PCDH11X: variants seen among roughly 807,000 people sequenced by gnomAD.
PCDH11X encodes protocadherin-11 X-linked.
PCDH11X carries 18 observed loss-of-function variants against 53.3 expected under a neutral mutation model. The observed-to-expected ratio is 0.34, with a 90% CI of 0.23 to 0.50. The LOEUF (loss-of-function observed/expected upper bound fraction) is 0.50, where lower values mean the gene tolerates loss of function less well. PCDH11X is among the 20% of genes least tolerant of loss of function. PCDH11X has a pLI of 0.98. For synonymous variants in PCDH11X, 279 were observed against 393.3 expected, an observed-to-expected ratio of 0.71 and a Z score of 3.44; for missense variants, 570 against 1,032.4, an observed-to-expected ratio of 0.55 and a Z score of 6.14.
intron 6 of PCDH11X, among the ~76,000 whole-genome samples, chrX:92,147,972 CCTTCCTTCCTTCCTTT>C (rs1189537357): frequency 2.5e-5 from 2 of 79,964 alleles, no homozygotes; most frequent in African/African-American, 1.3e-4. Context: ...TCCCTTCCTT[CCTTCCTTCCTTCCTTT>C]CTTTCTTTCT....
At chrX:91,850,987 A>G (rs2147659147) in intron 5 of PCDH11X, among the ~76,000 whole-genome samples, 1 of 110,844 alleles carries the variant, frequency 9.0e-6, no homozygotes, top group East Asian at 2.8e-4. Context: ...AATAAGGGAG[A>G]TGCAATGTTA....
At chrX:92,201,236 A>G in intron 6 of PCDH11X, 139 bp from the exon 7 acceptor site, 2 of 828,113 alleles carry the variant, frequency 2.4e-6, no homozygotes, top group Non-Finnish European at 3.3e-6. Flanking sequence ...TGTTACATAA[A>G]TAAACTATGA....
chrX:91,842,150 G>C (rs1336332557), intron 5 of PCDH11X, among the ~76,000 whole-genome samples: 1 of 106,985 alleles, frequency 9.3e-6, no homozygotes, highest in Non-Finnish European at 1.9e-5. Flanking sequence ...GTATTTATCA[G>C]TGTACAGTCA....
chrX:91,879,655 A>G (rs1020288697), intron 6 of PCDH11X: 3 of 849,854 alleles, frequency 3.5e-6, no homozygotes, highest in Non-Finnish European at 4.3e-6. Flanking sequence ...GCTTTTCAGA[A>G]TCTGATAAAT....
rs376700432 is a variant in PCDH11X, at chrX:91,835,984, C to A, written c.480C>A (p.Leu160=). The change falls in exon 5 of 11, where the codon CTC becomes CTA. Residue 160 remains leucine, a synonymous_variant. Transcript: ENST00000682573. ...ENSAINSKYT[L]PAAVDPDVGI... ...CGGCTATAAACTCTAAATATACTCT[C>A]CCAGCGGCTGTTGATCCTGACGTAG... The A allele has an allele frequency of 1.7e-5, 21 of 1,208,546 alleles. No individual in the cohort carries two copies. The highest frequency in any genetic ancestry group is 2.0e-5 in the Non-Finnish European group (18 of 894,947).
chrX:92,095,703 G>A (rs2064123582), intron 6 of PCDH11X, among the ~76,000 whole-genome samples: 1 of 111,702 alleles, frequency 9.0e-6, no homozygotes, highest in East Asian at 2.8e-4. Context: ...AAAAATATAC[G>A]CCATTTAAAC....
chrX:92,147,879 T>G (rs759976022), intron 6 of PCDH11X, among the ~76,000 whole-genome samples: 1 of 98,041 alleles, frequency 1.0e-5, no homozygotes, highest in African/African-American at 3.6e-5. Flanking sequence ...TTCCTTTCTT[T>G]CTTTTTCTTT....
At chrX:92,422,152 T>A (rs10465307) in intron 9 of PCDH11X, among the ~76,000 whole-genome samples, 501 of 90,405 alleles carry the variant, frequency 5.5e-3, no homozygotes, top group African/African-American at 0.015. Flanking sequence ...TTTTTTTTTT[T>A]AAATTTTATT....
At chrX:92,315,030 G>T (rs1219694040) in intron 8 of PCDH11X, among the ~76,000 whole-genome samples, 1 of 110,290 alleles carries the variant, frequency 9.1e-6, no homozygotes, top group Admixed American at 9.7e-5. Flanking sequence ...TCCCTTTCAA[G>T]TTCTAGCATG....
At chrX:92,431,787 G>A (rs1037070111) in intron 9 of PCDH11X, among the ~76,000 whole-genome samples, 2 of 108,372 alleles carry the variant, frequency 1.8e-5, no homozygotes, top group African/African-American at 3.3e-5. Context: ...AAATTAATGA[G>A]CTTATATCTA....
intron 5 of PCDH11X, among the ~76,000 whole-genome samples, chrX:91,852,082 C>T (rs1293282169): frequency 1.0e-5 from 1 of 99,960 alleles, no homozygotes; most frequent in Non-Finnish European, 2.0e-5. Flanking sequence ...GGCACGATCT[C>T]GGCTCACTAC....
chrX:92,281,224 C>T (rs1204212170), intron 8 of PCDH11X, among the ~76,000 whole-genome samples: 2 of 111,854 alleles, frequency 1.8e-5, no homozygotes, highest in African/African-American at 6.5e-5. Context: ...AATCATTTTT[C>T]TTATTCTACA....
intron 5 of PCDH11X, among the ~76,000 whole-genome samples, chrX:91,862,103 A>G (rs1011417486): frequency 9.2e-6 from 1 of 109,046 alleles, no homozygotes; most frequent in Non-Finnish European, 1.9e-5. Flanking sequence ...TATCTGGGTA[A>G]TGTTGGTCTC....
intron 6 of PCDH11X, among the ~76,000 whole-genome samples, chrX:92,107,085 T>A (rs754910515): frequency 1.8e-5 from 2 of 111,799 alleles, no homozygotes; most frequent in African/African-American, 3.2e-5. Context: ...CAATTGCCAG[T>A]CAGAACATTT....
At chrX:91,829,436 A>ACC (rs1231126149) in intron 4 of PCDH11X, among the ~76,000 whole-genome samples, 3 of 92,620 alleles carry the variant, frequency 3.2e-5, no homozygotes, top group South Asian at 9.6e-4. Context: ...ACACACACAC[A>ACC]CACACACCCA....
At chrX:91,871,998 G>T (rs1298032305) in intron 5 of PCDH11X, among the ~76,000 whole-genome samples, 1 of 110,822 alleles carries the variant, frequency 9.0e-6, no homozygotes, top group Non-Finnish European at 1.9e-5. Context: ...TCAGATATCA[G>T]AATCCAAAAA....
chrX:92,446,618 G>A (rs891568796), intron 9 of PCDH11X, among the ~76,000 whole-genome samples: 2 of 111,756 alleles, frequency 1.8e-5, no homozygotes, highest in Non-Finnish European at 3.8e-5. Context: ...CCCCAGCCAT[G>A]TGGAACTGTA....
intron 6 of PCDH11X, among the ~76,000 whole-genome samples, chrX:91,914,673 C>T (rs1941493757): frequency 9.0e-6 from 1 of 111,472 alleles, no homozygotes; most frequent in Non-Finnish European, 1.9e-5. Flanking sequence ...AATGAAAAGG[C>T]TTTCAAATAA....
intron 5 of PCDH11X, among the ~76,000 whole-genome samples, chrX:91,838,002 T>C (rs1292610991): frequency 2.7e-5 from 3 of 111,995 alleles, no homozygotes; most frequent in Non-Finnish European, 5.6e-5. Flanking sequence ...AATTAATAGA[T>C]AAAATCAAAA....
Sources: allele counts gnomAD v4.1 joint callset (sites outside exome capture counted in the v4.1 genomes callset), GRCh38; gene constraint gnomAD v4.1.1; transcripts MANE v1.5; gene names NCBI Gene and HGNC (gene_info 2026-07-23, HGNC 2026-07-21).